The following TRPV3 variants were observed in gnomAD, a reference collection of about 807,000 sequenced individuals.
The protein encoded by TRPV3 is VRL-3.
Under a neutral mutation model 87.1 loss-of-function variants are expected in TRPV3, and 88 were observed. That is an observed-to-expected ratio of 1.01 (90% CI 0.85 to 1.21). TRPV3 has a LOEUF of 1.21. Among genes scored for constraint, TRPV3 ranks in the 50% most tolerant of loss-of-function variants. The pLI is 0.00. For synonymous variants in TRPV3, 438 were observed against 423.3 expected, an observed-to-expected ratio of 1.03 and a Z score of -0.43; for missense variants, 1,054 against 1,030.1, an observed-to-expected ratio of 1.02 and a Z score of -0.32.
intron 2 of TRPV3, among the ~76,000 whole-genome samples, chr17:3,545,895 C>T (rs1408184170): frequency 1.4e-5 from 2 of 147,892 alleles, no homozygotes; most frequent in African/African-American, 5.0e-5. Flanking sequence ...GAGGCTGAGA[C>T]AGGAGAATTG....
rs1015152613 is a variant in TRPV3 at position 3,528,414 on chromosome 17, C to T, written c.1402-288G>A. ...TCCGGAACCCATCCATATCCAGGCA[C>T]TCAACATGGCCTCACAGCACCGTTA... On this transcript the variant is annotated intron_variant, in intron 10 of 17. Coordinates refer to ENST00000576742, the MANE Select transcript of TRPV3 (RefSeq NM_145068.4). This position sits in a 1 kb window ranked among gnomAD's most constrained non-coding sequence, Gnocchi z 4.2. Among the ~76,000 whole-genome samples, 2 of 152,208 alleles carry T rather than the reference C, an allele frequency of 1.3e-5. No individual in the cohort carries two copies. The highest frequency in any genetic ancestry group is 4.8e-5 in the African/African-American group (2 of 41,448).
Position 3,554,732 on chromosome 17 carries a change from CTCT to C in TRPV3, c.116_118del (p.Lys39del), listed in dbSNP as rs1171309871. On this transcript the variant is annotated inframe_deletion and splice_region_variant, in exon 2 of 18. Coordinates refer to ENST00000576742, the MANE Select transcript of TRPV3 (RefSeq NM_145068.4). ...CGTGTCCCGAGCTCTCCAAACCCACCTCTTCTTTGTGGGGGTGATCTCCGCCGG... is the reference window on the plus strand; with the variant it reads ...CGTGTCCCGAGCTCTCCAAACCCACCTCTTTGTGGGGGTGATCTCCGCCGG... The C allele has an allele frequency of 6.2e-7, 1 of 1,604,532 alleles. No homozygotes were observed. The highest frequency in any genetic ancestry group is 8.5e-7 in the Non-Finnish European group (1 of 1,173,150).
intron 2 of TRPV3, chr17:3,553,106 C>A (rs1296051506): frequency 2.0e-5 from 3 of 152,432 alleles, no homozygotes; most frequent in Non-Finnish European, 4.4e-5. Context: ...GCCCCGCCAT[C>A]CCTCCAGGCC....
At chr17:3,520,901 C>A in intron 14 of TRPV3, 72 bp downstream of exon 14, 1 of 1,049,922 alleles carries the variant, frequency 9.5e-7, no homozygotes, top group Non-Finnish European at 1.4e-6. Context: ...GGCCGCCATG[C>A]ACTTTGCCAT....
rs565147768 is a variant in TRPV3, at chr17:3,510,771, G to A, written c.*3146C>T. ...GTACGGCTTACAGGCCCGGATGACG[G>A]CCCATCTACCTGGGCCCTGCCCAGA... On this transcript the variant is annotated 3_prime_UTR_variant, in exon 18 of 18. Transcript: ENST00000576742. The A allele has an allele frequency of 3.3e-5, 5 of 152,300 alleles. No homozygotes were observed. The South Asian group carries it at 1.0e-3, about 32-fold the overall frequency. 9.4% of individuals were successfully genotyped at this position (152,300 alleles called of 1,614,324 possible). A position where few individuals can be genotyped will look rare whatever the true frequency, so the allele number is the denominator to read the frequency against.
chr17:3,550,674 G>A (rs1032769729), intron 2 of TRPV3, among the ~76,000 whole-genome samples: 7 of 151,818 alleles, frequency 4.6e-5, no homozygotes, highest in Admixed American at 6.6e-5. Context: ...ACAGGCGCCC[G>A]CCACCACACC....
chr17:3,528,216 A>C lies in TRPV3; in HGVS notation c.1402-90T>G, dbSNP rs973493353. 1.1e-6 allele frequency: 1 copy of C among 951,604 alleles called. No homozygotes were observed. The highest frequency in any genetic ancestry group is 2.7e-5 in the East Asian group (1 of 37,518). The allele number at this position is 951,604 out of a possible 1,614,324, so 58.9% of individuals were successfully genotyped here. A position where few individuals can be genotyped will look rare whatever the true frequency, so the allele number is the denominator to read the frequency against. ...AGAGGGACCAAAACCCAGGTGAAAC[A>C]CTCAAGCCGGGCCAGAGACCAGCAT... is the stretch of plus-strand genomic sequence containing the variant. On this transcript the variant is annotated intron_variant, in intron 10 of 17. Coordinates refer to ENST00000576742, the MANE Select transcript of TRPV3 (RefSeq NM_145068.4). The surrounding 1 kb of genome is among the most constrained non-coding windows in gnomAD (Gnocchi z 4.2).
rs754976612 is a variant in TRPV3, at chr17:3,542,658, C to T, written c.507G>A (p.Lys169=). ...MHKLTASDTG[K]TCLMKALLNI... ...TTAACAAGGCCTTCATCAGGCAGGT[C>T]TTCCCCGTGTCGGAGGCCGTCAGCT... is the stretch of plus-strand genomic sequence containing the variant. Residue 169 remains lysine (K), a synonymous_variant, in exon 6 of 18, where the codon AAG becomes AAA. Transcript: ENST00000576742. 6.8e-6 allele frequency: 11 copies of T among 1,614,020 alleles called. No individual in the cohort carries two copies. The African/African-American group carries it at 1.2e-4, about 18-fold the overall frequency.
At chr17:3,529,677 C>CG (rs1362883061) in intron 9 of TRPV3, among the ~76,000 whole-genome samples, 1 of 152,072 alleles carries the variant, frequency 6.6e-6, no homozygotes, top group Non-Finnish European at 1.5e-5. Context: ...TATACACCAA[C>CG]GGGGGGTGGG....
At chr17:3,519,328 A>T (rs1597466829) in intron 14 of TRPV3, among the ~76,000 whole-genome samples, 1 of 140,868 alleles carries the variant, frequency 7.1e-6, no homozygotes, top group South Asian at 2.1e-4. Context: ...GAATGGTTGG[A>T]TGGATGGATG....
intron 6 of TRPV3, among the ~76,000 whole-genome samples, chr17:3,536,199 C>T (rs968494488): frequency 2.0e-5 from 3 of 152,140 alleles, no homozygotes; most frequent in South Asian, 4.1e-4. Flanking sequence ...GAGTCACAGA[C>T]GGCCTTGAAT....
Position 3,541,768 on chromosome 17 carries a change from G to A in TRPV3, c.643+754C>T, listed in dbSNP as rs546149978. ...AGCTCAATCCCATCTTGGGGCTTTC[G>A]CCCTGATCCTTCTCATCATGTCGGC... On this transcript the variant is annotated intron_variant, in intron 6 of 17. Coordinates refer to ENST00000576742, the MANE Select transcript of TRPV3 (RefSeq NM_145068.4). Among the ~76,000 whole-genome samples, 26 of 152,236 alleles carry A rather than the reference G, an allele frequency of 1.7e-4. No homozygotes were observed. The South Asian group carries it at 2.9e-3, about 17-fold the overall frequency.
intron 11 of TRPV3, 55 bp downstream of exon 11, chr17:3,527,970 G>T: frequency 7.4e-7 from 1 of 1,359,072 alleles, no homozygotes; most frequent in Non-Finnish European, 1.0e-6. Flanking sequence ...AGGGATGGAG[G>T]CTGTCACCTG....
rs72816035 is a variant in TRPV3 at position 3,530,462 on chromosome 17, A to G, written c.1066-259T>C. Among the ~76,000 whole-genome samples, 24,148 of 151,906 alleles carry G rather than the reference A, an allele frequency of 0.16. 2,459 individuals carry two copies. The highest frequency in any genetic ancestry group is 0.45 in the East Asian group (2,316 of 5,154). ...GTGAAGGTTCTTCGCAGGCTGCAGCAAGCTGCACAATCAGCTTGAAATGCC... is the reference window on the plus strand; with the variant it reads ...GTGAAGGTTCTTCGCAGGCTGCAGCGAGCTGCACAATCAGCTTGAAATGCC... On this transcript the variant is annotated intron_variant, in intron 8 of 17. Transcript: ENST00000576742. This position sits in a 1 kb window ranked among gnomAD's most constrained non-coding sequence, Gnocchi z 4.0.
chr17:3,547,155 C>T (rs945703538), intron 2 of TRPV3, among the ~76,000 whole-genome samples: 8 of 152,188 alleles, frequency 5.3e-5, no homozygotes, highest in African/African-American at 1.9e-4. Flanking sequence ...TCACCACCTA[C>T]CCACCCTCAG....
Position 3,530,898 on chromosome 17 carries a change from A to G in TRPV3, c.1066-695T>C, listed in dbSNP as rs1325994578. On this transcript the variant is annotated intron_variant, in intron 8 of 17. Coordinates refer to ENST00000576742, the MANE Select transcript of TRPV3 (RefSeq NM_145068.4). The surrounding 1 kb of genome is among the most constrained non-coding windows in gnomAD (Gnocchi z 4.0). ...TGGTGGAATCCTGTCTCTACTAAAA[A>G]TACAAAAATTAGCTGGGTGTGGTGG... Among the ~76,000 whole-genome samples, 1 of 152,058 alleles carries G rather than the reference A, an allele frequency of 6.6e-6. No homozygotes were observed. The highest frequency in any genetic ancestry group is 1.5e-5 in the Non-Finnish European group (1 of 68,008).
chr17:3,521,523 G>A (rs918841309), intron 13 of TRPV3, among the ~76,000 whole-genome samples: 1 of 152,164 alleles, frequency 6.6e-6, no homozygotes, highest in Non-Finnish European at 1.5e-5. Flanking sequence ...CTAGAAATTT[G>A]CTAAGAGAAT....
chr17:3,530,291 G>C lies in TRPV3; in HGVS notation c.1066-88C>G. 1.4e-6 allele frequency: 2 copies of C among 1,385,528 alleles called. No homozygotes were observed. 85.8% of individuals were successfully genotyped at this position (1,385,528 alleles called of 1,614,324 possible). A position where few individuals can be genotyped will look rare whatever the true frequency, so the allele number is the denominator to read the frequency against. On this transcript the variant is annotated intron_variant, in intron 8 of 17. Coordinates refer to ENST00000576742, the MANE Select transcript of TRPV3 (RefSeq NM_145068.4). The surrounding 1 kb of genome is among the most constrained non-coding windows in gnomAD (Gnocchi z 4.0). The stretch of plus-strand genomic sequence containing the variant: ...ACCAGCCAGAGGCTGGCTGGGCCCA[G>C]GGGATACACCCGCCCAGAATGGGTG...
intron 6 of TRPV3, 92 bp downstream of exon 6, chr17:3,542,430 G>A: frequency 7.0e-7 from 1 of 1,424,306 alleles, no homozygotes; most frequent in Non-Finnish European, 9.5e-7. Flanking sequence ...TGGCAGCAGT[G>A]CCTCCACGTG....
Sources: allele counts gnomAD v4.1 joint callset (sites outside exome capture counted in the v4.1 genomes callset), GRCh38; gene constraint gnomAD v4.1.1; non-coding constraint Gnocchi (gnomAD v3.1); transcripts MANE v1.5; gene names NCBI Gene and HGNC (gene_info 2026-07-23, HGNC 2026-07-21).